The following CACNB3 variants were observed in gnomAD, a reference collection of about 807,000 sequenced individuals.
CACNB3 encodes calcium voltage-gated channel auxiliary subunit beta 3.
Under a neutral mutation model 63.7 loss-of-function variants are expected in CACNB3, and 36 were observed. That is an observed-to-expected ratio of 0.57 (90% CI 0.43 to 0.75). The LOEUF is 0.75. Ranked by LOEUF, CACNB3 falls within the 30% of genes least tolerant of loss-of-function variation. CACNB3 has a pLI of 0.00. For synonymous variants in CACNB3, 241 were observed against 250.6 expected, an observed-to-expected ratio of 0.96 and a Z score of 0.36; for missense variants, 493 against 648.6, an observed-to-expected ratio of 0.76 and a Z score of 2.61.
Position 48,823,969 on chromosome 12 carries a change from G to GTCTC in CACNB3, c.291+167_291+170dup. The GTCTC allele has an allele frequency of 1.1e-6, 1 of 896,632 alleles. No individual in the cohort carries two copies. Among genetic ancestry groups the GTCTC allele is most frequent in the Non-Finnish European group, 1.7e-6 (1 of 598,720 alleles). 55.5% of individuals were successfully genotyped at this position (896,632 alleles called of 1,614,324 possible). On this transcript the variant is annotated intron_variant, in intron 3 of 12. Coordinates refer to ENST00000301050, the MANE Select transcript of CACNB3 (RefSeq NM_000725.4). The surrounding 1 kb of genome is among the most constrained non-coding windows in gnomAD (Gnocchi z 4.2). ...TCATATCTAAGATCTCATCCCCAGG[G>GTCTC]TCTCCATCCTTCTGAGACCTGGCTT...
rs1405951887 is a variant in CACNB3 at position 48,825,213 on chromosome 12, G to A, written c.543G>A (p.Val181=). The change falls in exon 7 of 13, where the codon GTG becomes GTA. Residue 181 remains valine, a synonymous_variant. Coordinates refer to ENST00000301050, the MANE Select transcript of CACNB3 (RefSeq NM_000725.4). The surrounding 1 kb of genome is among the most constrained non-coding windows in gnomAD (Gnocchi z 4.5). The part of the protein sequence containing the change: ...YDVVPSMRPV[V]LVGPSLKGYE... The stretch of plus-strand genomic sequence containing the variant: ...TGGTGCCCTCCATGCGGCCTGTGGT[G>A]CTGGTGGGACCCTCTCTGAAAGGTT... 2 of 1,614,012 alleles carry A rather than the reference G, an allele frequency of 1.2e-6. No homozygotes were observed. Among genetic ancestry groups the A allele is most frequent in the Non-Finnish European group, 1.7e-6 (2 of 1,180,028 alleles).
At chr12:48,817,665 T>C (rs1339143408), upstream of CACNB3, among the ~76,000 whole-genome samples, 1 of 152,170 alleles carries the variant, frequency 6.6e-6, no homozygotes, top group East Asian at 1.9e-4. Flanking sequence ...GGAGACTGAG[T>C]GGTGCAGAGT....
At chr12:48,814,580 G>A, upstream of CACNB3, 1 of 1,500,336 alleles carries the variant, frequency 6.7e-7, no homozygotes, top group Non-Finnish European at 8.8e-7. This position sits in a 1 kb window ranked among gnomAD's most constrained non-coding sequence, Gnocchi z 6.9. Context: ...GTCCCGGAAG[G>A]GCGCGGGTGT....
chr12:48,822,318 A>C (rs1937892632), intron 1 of CACNB3, among the ~76,000 whole-genome samples: 2 of 152,096 alleles, frequency 1.3e-5, no homozygotes, highest in Non-Finnish European at 2.9e-5. Context: ...CTTGTCTCAA[A>C]GTCCAGCGTC....
Position 48,825,160 on chromosome 12 carries a change from C to G in CACNB3, c.493-3C>G, listed in dbSNP as rs755768744. ...TTCTACTGACCTCATGTCCATTCTGCAGGCGGAACATGTTCCCCCATATGA... is the reference window on the plus strand; with the variant it reads ...TTCTACTGACCTCATGTCCATTCTGGAGGCGGAACATGTTCCCCCATATGA... On this transcript the variant is annotated splice_polypyrimidine_tract_variant and splice_region_variant and intron_variant, in intron 6 of 12. Coordinates refer to ENST00000301050, the MANE Select transcript of CACNB3 (RefSeq NM_000725.4). This position sits in a 1 kb window ranked among gnomAD's most constrained non-coding sequence, Gnocchi z 4.5. The G allele has an allele frequency of 6.2e-7, 1 of 1,613,746 alleles. No individual in the cohort carries two copies. The highest frequency in any genetic ancestry group is 8.5e-7 in the Non-Finnish European group (1 of 1,179,712).
chr12:48,824,131 C>T (rs1937994690), intron 3 of CACNB3, 127 bp from the exon 4 acceptor site: 5 of 821,362 alleles, frequency 6.1e-6, no homozygotes. Flanking sequence ...CCCTTCTGCC[C>T]ACCGCCCCTT....
chr12:48,815,674 G>A, upstream of CACNB3: 5 of 1,529,864 alleles, frequency 3.3e-6, no homozygotes, highest in South Asian at 1.2e-5. Flanking sequence ...GGGAGAGGCC[G>A]CTAGCCTGGT....
chr12:48,825,745 C>T lies in CACNB3; in HGVS notation c.718C>T (p.Arg240Cys), dbSNP rs776284677. Residue 240 changes from arginine to cysteine, a missense_variant, in exon 9 of 13, where the codon CGC becomes TGC. Transcript: ENST00000301050. This position sits in a 1 kb window ranked among gnomAD's most constrained non-coding sequence, Gnocchi z 4.5. ...TCCGGGCAAGAGGACCATCATTGAGCGCTCCTCTGCCCGCTCCAGCATTGG... is the reference window on the plus strand; with the variant it reads ...TCCGGGCAAGAGGACCATCATTGAGTGCTCCTCTGCCCGCTCCAGCATTGG... ...NNPGKRTIIE[R>C]SSARSSIAEV... The T allele has an allele frequency of 7.4e-6, 12 of 1,613,844 alleles. No homozygotes were observed. The highest frequency in any genetic ancestry group is 2.2e-5 in the East Asian group (1 of 44,892).
Position 48,825,065 on chromosome 12 carries a change from G to C in CACNB3, c.492+97G>C. On this transcript the variant is annotated intron_variant, in intron 6 of 12. Coordinates refer to ENST00000301050, the MANE Select transcript of CACNB3 (RefSeq NM_000725.4). The surrounding 1 kb of genome is among the most constrained non-coding windows in gnomAD (Gnocchi z 4.5). ...ATTGTTGGAGGGCAGAACAGAGAGG[G>C]GAGGGAGCCCAGAACCTCTGGATCT... The C allele has an allele frequency of 3.2e-6, 5 of 1,579,680 alleles. No individual in the cohort carries two copies. The highest frequency in any genetic ancestry group is 4.4e-6 in the Non-Finnish European group (5 of 1,148,938).
chr12:48,827,989 T>C lies in CACNB3; in HGVS notation c.*90T>C. ...GGGTGGCGTTAGACTGGCATCAGGC[T>C]GGCACTAGGCTCAGCCCCCAAAACC... On this transcript the variant is annotated 3_prime_UTR_variant, in exon 13 of 13. Coordinates refer to ENST00000301050, the MANE Select transcript of CACNB3 (RefSeq NM_000725.4). The C allele has an allele frequency of 8.8e-7, 1 of 1,136,112 alleles. No individual in the cohort carries two copies. Among genetic ancestry groups the C allele is most frequent in the Non-Finnish European group, 1.3e-6 (1 of 784,838 alleles). 70.4% of individuals were successfully genotyped at this position (1,136,112 alleles called of 1,614,324 possible).
chr12:48,826,629 T>TG lies in CACNB3; in HGVS notation c.894+111_894+112insG. Reference sequence around the variant, plus strand: ...CCTGAGTTCCCTTTTCCTGCTGCCCTTAACACAACTCTGAGTCATCCTCAC... The same window carrying TG: ...CCTGAGTTCCCTTTTCCTGCTGCCCTGTAACACAACTCTGAGTCATCCTCAC... On this transcript the variant is annotated intron_variant, in intron 10 of 12. Coordinates refer to ENST00000301050, the MANE Select transcript of CACNB3 (RefSeq NM_000725.4). The surrounding 1 kb of genome is among the most constrained non-coding windows in gnomAD (Gnocchi z 4.8). The TG allele has an allele frequency of 3.4e-6, 5 of 1,456,704 alleles. No individual in the cohort carries two copies. The South Asian group carries it at 5.8e-5, about 17-fold the overall frequency. 90.2% of individuals were successfully genotyped at this position (1,456,704 alleles called of 1,614,324 possible).
rs1319130463 is a variant in CACNB3, at chr12:48,825,981, A to G, written c.742+212A>G. 5.2e-4 allele frequency among the ~76,000 whole-genome samples: 79 copies of G among 152,004 alleles called. 1 individual carries two copies. Among genetic ancestry groups the G allele is most frequent in the Admixed American group, 5.2e-3 (79 of 15,260 alleles). ...GTAGCCGGGACTACAGGCGCCCATC[A>G]CCACGCCCAGCTAATTTTTGCATTT... On this transcript the variant is annotated intron_variant, in intron 9 of 12. Transcript: ENST00000301050. This position sits in a 1 kb window ranked among gnomAD's most constrained non-coding sequence, Gnocchi z 4.5.
At position 48,826,683 on chromosome 12, in the gene CACNB3, T is replaced by C; in HGVS notation, c.895-76T>C. 7.0e-7 allele frequency: 1 copy of C among 1,437,298 alleles called. No individual in the cohort carries two copies. The highest frequency in any genetic ancestry group is 1.2e-5 in the South Asian group (1 of 86,462). 89.0% of individuals were successfully genotyped at this position (1,437,298 alleles called of 1,614,324 possible). A position where few individuals can be genotyped will look rare whatever the true frequency, so the allele number is the denominator to read the frequency against. ...CTACTGATGCCACAAGTGGAAGAAA[T>C]GCCTAGCTCTGCCCGGGCTCAGCTC... On this transcript the variant is annotated intron_variant, in intron 10 of 12. Transcript: ENST00000301050. This position sits in a 1 kb window ranked among gnomAD's most constrained non-coding sequence, Gnocchi z 4.8.
Position 48,826,756 on chromosome 12 carries a change from C to G in CACNB3, c.895-3C>G. 3 of 1,612,746 alleles carry G rather than the reference C, an allele frequency of 1.9e-6. No homozygotes were observed. Among genetic ancestry groups the G allele is most frequent in the South Asian group, 2.2e-5 (2 of 91,052 alleles). ...CAGGCCTAGCTCTGCCCTCCCCGCT[C>G]AGGTACTCCAGCGTCTCATTCGCTC... On this transcript the variant is annotated splice_polypyrimidine_tract_variant and splice_region_variant and intron_variant, in intron 10 of 12. Coordinates refer to ENST00000301050, the MANE Select transcript of CACNB3 (RefSeq NM_000725.4). This position sits in a 1 kb window ranked among gnomAD's most constrained non-coding sequence, Gnocchi z 4.8.
chr12:48,824,423 T>C, intron 4 of CACNB3, 50 bp downstream of exon 4: 1 of 1,476,454 alleles, frequency 6.8e-7, no homozygotes, highest in East Asian at 2.4e-5. Flanking sequence ...ACTTGCACTG[T>C]ACCCACAGGA....
rs568273404 is a variant in CACNB3, at chr12:48,823,420, G to A, written c.122G>A (p.Arg41Gln). 2.9e-5 allele frequency: 47 copies of A among 1,614,010 alleles called. No homozygotes were observed. Among genetic ancestry groups the A allele is most frequent in the South Asian group, 2.4e-4 (22 of 91,082 alleles). ...CTGGAGGAGGACCGGGAGAGTGCCC[G>A]GCGTGAAGTAGAGAGCCAGGCTCAG... ...VSLEEDRESA[R>Q]REVESQAQQQ... is the part of the protein sequence containing the mutation. The change falls in exon 2 of 13, where the codon CGG (arginine) becomes CAG (glutamine). Residue 41 changes from arginine (R) to glutamine (Q), a missense_variant. By Grantham distance (43) the Arg-to-Gln change is conservative (BLOSUM62 1). Coordinates refer to ENST00000301050, the MANE Select transcript of CACNB3 (RefSeq NM_000725.4). This position sits in a 1 kb window ranked among gnomAD's most constrained non-coding sequence, Gnocchi z 4.2.
At chr12:48,816,222 C>A (rs752467855), upstream of CACNB3, among the ~76,000 whole-genome samples, 10 of 152,180 alleles carry the variant, frequency 6.6e-5, no homozygotes, top group Non-Finnish European at 1.5e-4. Context: ...AGAATATATT[C>A]TGAAACCTCC....
chr12:48,827,636 G>A lies in CACNB3; in HGVS notation c.1192G>A (p.Asp398Asn), dbSNP rs752623216. 1 of 1,613,744 alleles carries A rather than the reference G, an allele frequency of 6.2e-7. No homozygotes were observed. The highest frequency in any genetic ancestry group is 8.5e-7 in the Non-Finnish European group (1 of 1,180,002). The stretch of plus-strand genomic sequence containing the variant: ...CGAGGAGCACTCCCCCCTTGAGCGG[G>A]ACAGCTTGATGCCCTCTGATGAGGC... The part of the protein sequence containing the change: ...RGEEHSPLER[D>N]SLMPSDEASE... Residue 398 changes from aspartate (D) to asparagine (N), a missense_variant, in exon 13 of 13, where the codon GAC becomes AAC. Transcript: ENST00000301050.
At chr12:48,816,573 A>G (rs1409776107), upstream of CACNB3, among the ~76,000 whole-genome samples, 2 of 152,224 alleles carry the variant, frequency 1.3e-5, no homozygotes, top group Admixed American at 6.5e-5. Flanking sequence ...ATATGAGAAG[A>G]AGGAGGGAAG....
Sources: gnomAD v4.1 joint callset for allele counts (sites outside exome capture counted in the v4.1 genomes callset) on GRCh38, gnomAD v4.1.1 for gene constraint, Gnocchi (gnomAD v3.1) non-coding constraint, MANE v1.5 for transcripts, NCBI Gene and HGNC (gene_info 2026-07-23, HGNC 2026-07-21) for gene names.